RANBP17: variants seen among roughly 807,000 people sequenced by gnomAD.
RANBP17 encodes RAN binding protein 17.
Under a neutral mutation model 141.2 loss-of-function variants are expected in RANBP17, and 158 were observed. The ratio of observed to expected loss-of-function variants is 1.12; its 90% confidence interval spans 0.98 to 1.28. The LOEUF (loss-of-function observed/expected upper bound fraction) is 1.28. Among genes scored for constraint, RANBP17 ranks in the 50% most tolerant of loss-of-function variants. RANBP17 has a pLI of 0.00. For synonymous variants in RANBP17, 430 were observed against 450.0 expected (o/e 0.96, Z 0.56); for missense variants, 1,438 against 1,290.7 (o/e 1.11, Z -1.75).
chr5:171,179,747 A>T (rs1249289950), intron 16 of RANBP17, among the ~76,000 whole-genome samples: 2 of 152,092 alleles, frequency 1.3e-5, no homozygotes, highest in African/African-American at 4.8e-5. Flanking sequence ...TTAGTAGTAC[A>T]TATTATAGTG....
chr5:171,144,598 A>G lies in RANBP17; in HGVS notation c.1711-25532A>G, dbSNP rs77333939. Among the ~76,000 whole-genome samples the G allele has an allele frequency of 7.4e-3, 1,133 of 152,230 alleles. 10 individuals carry two copies. Among genetic ancestry groups the G allele is most frequent in the African/African-American group, 0.024 (998 of 41,530 alleles). ...AATGGTGCCCCCATTGCCTTCCCCA[A>G]TGGCAATAAGTGTTCATTATGTCTT... is the stretch of plus-strand genomic sequence containing the variant. On this transcript the variant is annotated intron_variant, in intron 14 of 27. Coordinates refer to ENST00000523189, the MANE Select transcript of RANBP17 (RefSeq NM_022897.5).
At chr5:171,145,452 C>CT (rs2127820269) in intron 14 of RANBP17, among the ~76,000 whole-genome samples, 1 of 152,174 alleles carries the variant, frequency 6.6e-6, no homozygotes, top group East Asian at 1.9e-4. Context: ...AGTATAAATT[C>CT]TTAGAAACAA....
At chr5:170,994,426 A>T (rs1435051110) in intron 14 of RANBP17, among the ~76,000 whole-genome samples, 1 of 152,058 alleles carries the variant, frequency 6.6e-6, no homozygotes, top group East Asian at 1.9e-4. Context: ...TGTAAATTTT[A>T]ATTTGTAGGG....
intron 3 of RANBP17, among the ~76,000 whole-genome samples, chr5:170,890,187 C>T (rs962859163): frequency 1.3e-5 from 2 of 152,058 alleles, no homozygotes; most frequent in African/African-American, 4.8e-5. Context: ...CCTGTATCCA[C>T]TGCAAGATGA....
intron 14 of RANBP17, among the ~76,000 whole-genome samples, chr5:171,121,186 G>A (rs982996383): frequency 1.3e-5 from 2 of 152,222 alleles, no homozygotes; most frequent in African/African-American, 4.8e-5. Flanking sequence ...CTCTGACCAG[G>A]AGCATGTGTA....
chr5:171,265,636 A>G, intron 24 of RANBP17, 45 bp from the exon 25 acceptor site: 2 of 1,482,148 alleles, frequency 1.3e-6, no homozygotes, highest in South Asian at 1.4e-5. Context: ...AAATGGAGCA[A>G]AAACTTAAGT....
At chr5:171,122,076 CT>C (rs1756078886) in intron 14 of RANBP17, among the ~76,000 whole-genome samples, 1 of 152,118 alleles carries the variant, frequency 6.6e-6, no homozygotes, top group South Asian at 2.1e-4. Flanking sequence ...CTTCTGCTTA[CT>C]TTTTCCCTGC....
At chr5:170,995,476 T>C (rs1778756815) in intron 14 of RANBP17, among the ~76,000 whole-genome samples, 1 of 152,182 alleles carries the variant, frequency 6.6e-6, no homozygotes, top group Admixed American at 6.6e-5. Flanking sequence ...CTTAAAAATA[T>C]TCCTATCTGT....
chr5:171,232,784 C>T (rs1764281332), intron 22 of RANBP17, among the ~76,000 whole-genome samples: 1 of 152,030 alleles, frequency 6.6e-6, no homozygotes, highest in Admixed American at 6.6e-5. Flanking sequence ...GGTCATTGTT[C>T]TATGTTAACA....
Position 170,880,469 on chromosome 5 carries a change from C to T in RANBP17, c.166-1337C>T, listed in dbSNP as rs145982319. 6.7e-4 allele frequency among the ~76,000 whole-genome samples: 102 copies of T among 152,246 alleles called. 1 individual carries two copies. The South Asian group carries it at 0.013, about 19-fold the overall frequency. On this transcript the variant is annotated intron_variant, in intron 2 of 27. Transcript: ENST00000523189. The stretch of plus-strand genomic sequence containing the variant: ...AATGTTGATTTAATTAACTCATCAT[C>T]GGTAAATGGCTGTGTGATTGGCTAA...
intron 1 of RANBP17, among the ~76,000 whole-genome samples, chr5:170,865,484 G>T (rs112474765): frequency 2.2e-4 from 34 of 152,234 alleles, no homozygotes; most frequent in African/African-American, 8.2e-4. Context: ...TTTTCAAATC[G>T]AACCATGACA....
intron 13 of RANBP17, among the ~76,000 whole-genome samples, chr5:170,963,236 G>A (rs1489155343): frequency 6.6e-6 from 1 of 152,144 alleles, no homozygotes; most frequent in African/African-American, 2.4e-5. Flanking sequence ...AAGATAGTCT[G>A]TACAGGAAAT....
intron 25 of RANBP17, among the ~76,000 whole-genome samples, chr5:171,274,018 G>A (rs1465204313): frequency 3.3e-5 from 5 of 151,972 alleles, no homozygotes; most frequent in South Asian, 2.1e-4. Context: ...ATAAACAGGC[G>A]ATGAAGTGAA....
At chr5:171,070,124 T>A (rs1283038832) in intron 14 of RANBP17, among the ~76,000 whole-genome samples, 1 of 152,050 alleles carries the variant, frequency 6.6e-6, no homozygotes, top group Non-Finnish European at 1.5e-5. Flanking sequence ...TTTCTATAGG[T>A]CAGACTAAGC....
chr5:171,084,487 T>A (rs1233925090), intron 14 of RANBP17, among the ~76,000 whole-genome samples: 2 of 65,224 alleles, frequency 3.1e-5, no homozygotes, highest in African/African-American at 9.5e-5. Flanking sequence ...AGTAATGGGA[T>A]GGCTGGGTCA....
rs141246755 is a variant in RANBP17 at position 170,986,542 on chromosome 5, A to G, written c.1710+18165A>G. On this transcript the variant is annotated intron_variant, in intron 14 of 27. Transcript: ENST00000523189. ...ACACACTGTATGCCTTTATCAAAAC[A>G]TCAAATGAACCCCATAAACATATAT... 1.8e-3 allele frequency among the ~76,000 whole-genome samples: 268 copies of G among 152,052 alleles called. 2 individuals carry two copies. Among genetic ancestry groups the G allele is most frequent in the African/African-American group, 6.1e-3 (253 of 41,524 alleles).
rs147571259 is a variant in RANBP17, at chr5:171,066,482, G to A, written c.1710+98105G>A. 4.0e-3 allele frequency among the ~76,000 whole-genome samples: 604 copies of A among 152,220 alleles called. 3 individuals carry two copies. The highest frequency in any genetic ancestry group is 0.014 in the African/African-American group (579 of 41,542). ...AATGTCTTCCAAGTTCACTCATGTT[G>A]TTGCAAATGACGGGATATCCTTCTT... On this transcript the variant is annotated intron_variant, in intron 14 of 27. Coordinates refer to ENST00000523189, the MANE Select transcript of RANBP17 (RefSeq NM_022897.5).
intron 1 of RANBP17, among the ~76,000 whole-genome samples, chr5:170,876,851 T>A (rs910986230): frequency 2.0e-5 from 3 of 152,082 alleles, no homozygotes; most frequent in African/African-American, 4.8e-5. Flanking sequence ...GACAAAAAAA[T>A]TGCATTTTTT....
rs775695189 is a variant in RANBP17 at position 171,241,061 on chromosome 5, G to A, written c.2556G>A (p.Lys852=). The A allele has an allele frequency of 6.2e-7, 1 of 1,613,952 alleles. No individual in the cohort carries two copies. Among genetic ancestry groups the A allele is most frequent in the African/African-American group, 1.3e-5 (1 of 74,998 alleles). ...ATTATGTCAGCTTTGGCGTCTTCAA[G>A]TTGTATGGGGACAACCATTTTGACA... ...CGNYVSFGVF[K]LYGDNHFDNV... is the part of the protein sequence containing the mutation. Residue 852 remains lysine (K), a synonymous_variant, in exon 23 of 28, where the codon AAG becomes AAA. Coordinates refer to ENST00000523189, the MANE Select transcript of RANBP17 (RefSeq NM_022897.5).
Sources: gnomAD v4.1 joint callset for allele counts (sites outside exome capture counted in the v4.1 genomes callset) on GRCh38, gnomAD v4.1.1 for gene constraint, MANE v1.5 for transcripts, NCBI Gene and HGNC (gene_info 2026-07-23, HGNC 2026-07-21) for gene names.